Variants in RAD17 observed in about 807,000 individuals in gnomAD.
The protein encoded by RAD17 is cell cycle checkpoint protein RAD17.
A neutral mutation model predicts 81.5 loss-of-function variants in RAD17; 31 were observed. The ratio of observed to expected loss-of-function variants is 0.38; its 90% CI spans 0.29 to 0.51. The LOEUF is 0.51. Ranked by LOEUF, RAD17 falls within the 20% of genes least tolerant of loss-of-function variation. The probability of loss-of-function intolerance (pLI) is 0.88; values close to 1 mark genes in which losing one functional copy is unlikely to be tolerated. For synonymous variants in RAD17, 261 were observed against 266.2 expected, an observed-to-expected ratio of 0.98 and a Z score of 0.19; for missense variants, 681 against 781.2, an observed-to-expected ratio of 0.87 and a Z score of 1.53.
At position 69,392,005 on chromosome 5, in the gene RAD17, A is replaced by G; in HGVS notation, c.1181A>G (p.Tyr394Cys). The change falls in exon 13 of 19, where the codon TAT (tyrosine) becomes TGT (cysteine). Residue 394 changes from tyrosine to cysteine, a missense_variant. By Grantham distance (194) the Tyr-to-Cys change is radical. Coordinates refer to ENST00000354868, the MANE Select transcript of RAD17 (RefSeq NM_133338.3). ...TTCAGAGCTTTGGGGAAAATTCTAT[A>G]TTGTAAAAGTAAGAAATTTTTACAC... Reference protein sequence around the residue: ...FLFRALGKILYCKRASLTELD... With the variant: ...FLFRALGKILCCKRASLTELD... 1 of 1,534,976 alleles carries G rather than the reference A, an allele frequency of 6.5e-7. No homozygotes were observed. Among genetic ancestry groups the G allele is most frequent in the Non-Finnish European group, 8.7e-7 (1 of 1,148,834 alleles).
At position 69,394,442 on chromosome 5, in the gene RAD17, T is replaced by C. The variant is rs551772883; in HGVS notation, c.1422+942T>C. 9.2e-5 allele frequency among the ~76,000 whole-genome samples: 14 copies of C among 152,276 alleles called. No homozygotes were observed. In the East Asian group the frequency reaches 2.1e-3, roughly 23 times the overall value. On this transcript the variant is annotated intron_variant, in intron 15 of 18. Coordinates refer to ENST00000354868, the MANE Select transcript of RAD17 (RefSeq NM_133338.3). ...AAGAAGTAGATACAAGAGAAAGAAC[T>C]GTACATGTTGCTACACTTTCTGCTA...
At chr5:69,369,757 C>G, upstream of RAD17, 2 of 1,493,428 alleles carry the variant, frequency 1.3e-6, no homozygotes, top group South Asian at 1.2e-5. Context: ...AAGTCACACA[C>G]TCCTTCGGTG....
intron 15 of RAD17, among the ~76,000 whole-genome samples, chr5:69,395,742 T>C (rs191835986): frequency 3.3e-5 from 5 of 152,314 alleles, no homozygotes; most frequent in Admixed American, 2.6e-4. Context: ...TCCTTAACTT[T>C]TGTTTAGCAG....
intron 13 of RAD17, 28 bp from the exon 14 acceptor site, chr5:69,393,127 C>A (rs747360257): frequency 6.1e-6 from 9 of 1,469,914 alleles, no homozygotes; most frequent in Non-Finnish European, 8.5e-6. Flanking sequence ...AAGGTATTAT[C>A]TTTAATAATT....
rs756527674 is a variant in RAD17, at chr5:69,386,401, A to G, written c.830A>G (p.Asn277Ser). 83 of 1,596,760 alleles carry G rather than the reference A, an allele frequency of 5.2e-5. No homozygotes were observed. The highest frequency in any genetic ancestry group is 6.6e-5 in the Non-Finnish European group (78 of 1,173,964). Residue 277 changes from asparagine to serine, a missense_variant, in exon 11 of 19, where the codon AAC (asparagine) becomes AGC (serine). Asn to Ser is a conservative substitution (Grantham distance 46). Transcript: ENST00000354868. Reference sequence around the variant, plus strand: ...TCTTTCTTTATAAAACTTAGTTTCAACCCTGTGGCACCAACAATTATGATG... The same window carrying G: ...TCTTTCTTTATAAAACTTAGTTTCAGCCCTGTGGCACCAACAATTATGATG... ...EECSISNISF[N>S]PVAPTIMMKF...
chr5:69,373,147 T>C (rs1400110053), intron 4 of RAD17, among the ~76,000 whole-genome samples: 2 of 152,236 alleles, frequency 1.3e-5, no homozygotes, highest in Non-Finnish European at 2.9e-5. Flanking sequence ...ATTACTCTTA[T>C]TGCTGTTTCT....
chr5:69,410,388 A>G, intron 17 of RAD17, 105 bp from the exon 18 acceptor site: 1 of 841,348 alleles, frequency 1.2e-6, no homozygotes, highest in Non-Finnish European at 1.9e-6. Flanking sequence ...TTGGATTTGC[A>G]TTTCTCTAAA....
chr5:69,410,461 A>G (rs1174146270), intron 17 of RAD17, 32 bp from the exon 18 acceptor site: 2 of 1,569,408 alleles, frequency 1.3e-6, no homozygotes, highest in Admixed American at 3.4e-5. Context: ...TCTTTGGAAA[A>G]TTGTTTACAA....
In RAD17 at chr5:69,408,855, A is replaced by G. The variant is rs111447052; in HGVS notation, c.1694-1638A>G. ...ATTGCTCTGTTTTCAGCAGTGCTCT[A>G]GGACAAAAATTTCTCCACAGGCTGA... is the stretch of plus-strand genomic sequence containing the variant. On this transcript the variant is annotated intron_variant, in intron 17 of 18. Coordinates refer to ENST00000354868, the MANE Select transcript of RAD17 (RefSeq NM_133338.3). Among the ~76,000 whole-genome samples, 269 of 152,232 alleles carry G rather than the reference A, an allele frequency of 1.8e-3. 4 individuals carry two copies. The highest frequency in any genetic ancestry group is 6.2e-3 in the African/African-American group (256 of 41,548).
chr5:69,414,028 CAG>C lies in RAD17; in HGVS notation c.1752-1_1752del. 1.2e-6 allele frequency: 2 copies of C among 1,613,860 alleles called. No homozygotes were observed. Among genetic ancestry groups the C allele is most frequent in the Non-Finnish European group, 8.5e-7 (1 of 1,179,890 alleles). On this transcript the variant is annotated splice_acceptor_variant, in intron 18 of 18. Transcript: ENST00000354868. LOFTEE classifies it high-confidence loss of function. ...ATTAATGCCTGCACTGTGAATCTGA[CAG>C]ATTGAAAATGGAAGCCCTGACTGAC...
intron 16 of RAD17, among the ~76,000 whole-genome samples, chr5:69,397,499 C>G (rs1764967683): frequency 6.6e-6 from 1 of 152,086 alleles, no homozygotes; most frequent in Non-Finnish European, 1.5e-5. Context: ...CATGGTGGCT[C>G]ACACCTGTAA....
intron 16 of RAD17, among the ~76,000 whole-genome samples, chr5:69,398,796 ACT>A (rs879292726): frequency 5.4e-5 from 8 of 147,048 alleles, no homozygotes; most frequent in Non-Finnish European, 8.9e-5. Flanking sequence ...ACAGAAAAAG[ACT>A]CTGTCTCAGA....
intron 17 of RAD17, 28 bp from the exon 18 acceptor site, chr5:69,410,465 T>C: frequency 6.3e-7 from 1 of 1,589,688 alleles, no homozygotes; most frequent in South Asian, 1.1e-5. Flanking sequence ...TGGAAAATTG[T>C]TTACAACTTT....
intron 7 of RAD17, 65 bp from the exon 8 acceptor site, chr5:69,384,732 A>G: frequency 7.0e-7 from 1 of 1,434,076 alleles, no homozygotes; most frequent in Non-Finnish European, 9.6e-7. Context: ...GTGTGTACAT[A>G]CAGATGTATA....
At chr5:69,402,512 G>A (rs1164011661) in intron 17 of RAD17, among the ~76,000 whole-genome samples, 2 of 151,876 alleles carry the variant, frequency 1.3e-5, no homozygotes, top group African/African-American at 4.8e-5. Context: ...AAAATCAGCC[G>A]GGCACGGTGG....
chr5:69,369,334 ACCG>A, upstream of RAD17: 1 of 912,058 alleles, frequency 1.1e-6, no homozygotes, highest in Non-Finnish European at 1.5e-6. Context: ...GGCGCTGACA[ACCG>A]CCTCGTGGCC....
chr5:69,381,814 T>C, intron 6 of RAD17, 87 bp from the exon 7 acceptor site: 1 of 960,830 alleles, frequency 1.0e-6, no homozygotes, highest in South Asian at 1.9e-5. Flanking sequence ...TTTATAGAAG[T>C]AAATATATTT....
chr5:69,371,240 A>C, intron 2 of RAD17, 69 bp downstream of exon 2: 1 of 551,224 alleles, frequency 1.8e-6, no homozygotes, highest in East Asian at 3.7e-5. Flanking sequence ...CATGTGAAAA[A>C]CTCTTAACAC....
intron 16 of RAD17, among the ~76,000 whole-genome samples, chr5:69,398,030 T>G (rs1358127790): frequency 2.0e-5 from 3 of 151,702 alleles, no homozygotes; most frequent in Non-Finnish European, 2.9e-5. Context: ...GGCAGGAGAA[T>G]GGCGTGAACC....
Sources: allele counts gnomAD v4.1 joint callset (sites outside exome capture counted in the v4.1 genomes callset), GRCh38; gene constraint gnomAD v4.1.1; transcripts MANE v1.5; gene names NCBI Gene and HGNC (gene_info 2026-07-23, HGNC 2026-07-21).